MAML3: variants seen among roughly 807,000 people sequenced by gnomAD.
MAML3 encodes the protein mastermind like transcriptional coactivator 3.
In MAML3, 27 loss-of-function variants were observed where a neutral mutation model predicts 101.9. The observed-to-expected ratio is 0.27, with a 90% CI of 0.20 to 0.37. The LOEUF (loss-of-function observed/expected upper bound fraction) is 0.37, where lower values mean the gene tolerates loss of function less well. Among genes scored for constraint, MAML3 ranks in the 10% least tolerant of loss-of-function variants. The pLI is 1.00. For missense variants in MAML3, 1,316 were observed against 1,444.9 expected (o/e 0.91, Z 1.45); for synonymous variants, 501 against 555.9 (o/e 0.90, Z 1.39).
intron 2 of MAML3, among the ~76,000 whole-genome samples, chr4:139,816,556 A>G (rs1730895950): frequency 6.6e-6 from 1 of 152,142 alleles, no homozygotes; most frequent in Admixed American, 6.5e-5. Context: ...AAGGAGGAAC[A>G]GACGGGGGTC....
intron 1 of MAML3, among the ~76,000 whole-genome samples, chr4:140,101,902 C>A (rs1049555696): frequency 4.7e-5 from 7 of 150,442 alleles, no homozygotes; most frequent in Non-Finnish European, 8.8e-5. Context: ...GTCTTTCTAG[C>A]CAATAGAACA....
chr4:139,978,081 G>A (rs186036682), intron 1 of MAML3, among the ~76,000 whole-genome samples: 1 of 152,050 alleles, frequency 6.6e-6, no homozygotes, highest in Non-Finnish European at 1.5e-5. Flanking sequence ...TTGCTTTCAG[G>A]CCCCAGCTGG....
At chr4:139,893,790 C>T (rs959016750) in intron 1 of MAML3, among the ~76,000 whole-genome samples, 3 of 152,116 alleles carry the variant, frequency 2.0e-5, no homozygotes, top group African/African-American at 7.2e-5. Context: ...AAACCTAACT[C>T]ATCTGTGTGC....
At chr4:139,967,650 T>C (rs111979400) in intron 1 of MAML3, among the ~76,000 whole-genome samples, 2 of 152,104 alleles carry the variant, frequency 1.3e-5, no homozygotes, top group African/African-American at 4.8e-5. Context: ...TGAAAGCTTT[T>C]AGCAAAACAC....
At chr4:139,818,515 C>T (rs1303843635) in intron 2 of MAML3, among the ~76,000 whole-genome samples, 1 of 152,192 alleles carries the variant, frequency 6.6e-6, no homozygotes, top group African/African-American at 2.4e-5. Context: ...TTCCTTCCTA[C>T]TCATGACTAT....
intron 2 of MAML3, among the ~76,000 whole-genome samples, chr4:139,871,881 G>A (rs1463925207): frequency 6.6e-6 from 1 of 152,158 alleles, no homozygotes; most frequent in Non-Finnish European, 1.5e-5. Flanking sequence ...TTCAGTTATC[G>A]GTTGTAACTA....
At chr4:139,874,135 A>G (rs988579890) in intron 2 of MAML3, among the ~76,000 whole-genome samples, 1 of 152,326 alleles carries the variant, frequency 6.6e-6, no homozygotes, top group African/African-American at 2.4e-5. Flanking sequence ...ACAAAGAGAA[A>G]TGATTTTTCT....
Position 140,116,562 on chromosome 4 carries a change from A to C in MAML3, c.468+36298T>G, listed in dbSNP as rs145566051. Among the ~76,000 whole-genome samples the C allele has an allele frequency of 9.7e-3, 1,478 of 152,338 alleles. 29 individuals are homozygous for C. The highest frequency in any genetic ancestry group is 0.034 in the African/African-American group (1,396 of 41,570). On this transcript the variant is annotated intron_variant, in intron 1 of 4. Coordinates refer to ENST00000509479, the MANE Select transcript of MAML3 (RefSeq NM_018717.5). ...CCAACTGCCTGGATTCAATTCCTTC[A>C]GAAAGTCACGTTAGAGACTGCCACT...
At chr4:139,992,684 A>C (rs1734703107) in intron 1 of MAML3, among the ~76,000 whole-genome samples, 1 of 152,072 alleles carries the variant, frequency 6.6e-6, no homozygotes, top group African/African-American at 2.4e-5. Flanking sequence ...CAGCCTCCTG[A>C]GTAGCTAGGA....
intron 1 of MAML3, among the ~76,000 whole-genome samples, chr4:140,130,186 T>C (rs1320592073): frequency 2.0e-5 from 3 of 152,154 alleles, no homozygotes; most frequent in Non-Finnish European, 4.4e-5. Flanking sequence ...AATTGTGGCA[T>C]GGGGCAAGCA....
chr4:140,062,663 T>A (rs1215724247), intron 1 of MAML3, among the ~76,000 whole-genome samples: 5 of 152,234 alleles, frequency 3.3e-5, no homozygotes, highest in Non-Finnish European at 7.3e-5. Flanking sequence ...GCTATAAGCT[T>A]AGAAATCAGT....
At chr4:140,104,936 T>C (rs371794545) in intron 1 of MAML3, among the ~76,000 whole-genome samples, 10 of 152,338 alleles carry the variant, frequency 6.6e-5, no homozygotes, top group African/African-American at 1.4e-4. Context: ...GCACTGTCCT[T>C]CATCTGAGAT....
At chr4:139,885,383 G>A (rs1047264224) in intron 2 of MAML3, among the ~76,000 whole-genome samples, 2 of 152,034 alleles carry the variant, frequency 1.3e-5, no homozygotes, top group African/African-American at 2.4e-5. Flanking sequence ...TCCAGTCTGG[G>A]CAACAAAGTG....
chr4:140,104,196 G>A (rs1195608454), intron 1 of MAML3, among the ~76,000 whole-genome samples: 5 of 149,872 alleles, frequency 3.3e-5, no homozygotes, highest in Non-Finnish European at 5.9e-5. Context: ...AACAGCCTGG[G>A]CAACAAATAG....
Position 139,717,196 on chromosome 4 carries a change from A to G in MAML3, c.*2127T>C, listed in dbSNP as rs1191613074. The G allele has an allele frequency of 2.0e-5, 3 of 152,508 alleles. No homozygotes were observed. The East Asian group carries it at 5.8e-4, about 29-fold the overall frequency. 9.4% of individuals were successfully genotyped at this position (152,508 alleles called of 1,614,324 possible). A position where few individuals can be genotyped will look rare whatever the true frequency, so the allele number is the denominator to read the frequency against. On this transcript the variant is annotated 3_prime_UTR_variant, in exon 5 of 5. Transcript: ENST00000509479. Reference sequence around the variant, plus strand: ...AAACAAAACCACCATATTAAAATCTACCTATTAGTTGGTCCCAGTACTGAG... The same window carrying G: ...AAACAAAACCACCATATTAAAATCTGCCTATTAGTTGGTCCCAGTACTGAG...
chr4:139,717,801 G>A lies in MAML3; in HGVS notation c.*1522C>T, dbSNP rs1728047121. On this transcript the variant is annotated 3_prime_UTR_variant, in exon 5 of 5. Coordinates refer to ENST00000509479, the MANE Select transcript of MAML3 (RefSeq NM_018717.5). The stretch of plus-strand genomic sequence containing the variant: ...AAAAGCACACGCCACTCTCACTTAG[G>A]ACGACACCGAAGCCACAAGTCCTCC... 1 of 152,424 alleles carries A rather than the reference G, an allele frequency of 6.6e-6. No homozygotes were observed. The highest frequency in any genetic ancestry group is 1.5e-5 in the Non-Finnish European group (1 of 68,238). The allele number at this position is 152,424 out of a possible 1,614,324, so 9.4% of individuals were successfully genotyped here. A position where few individuals can be genotyped will look rare whatever the true frequency, so the allele number is the denominator to read the frequency against.
At chr4:139,911,514 A>G (rs1694995261) in intron 1 of MAML3, among the ~76,000 whole-genome samples, 1 of 152,204 alleles carries the variant, frequency 6.6e-6, no homozygotes, top group African/African-American at 2.4e-5. Context: ...CACTGCGCCC[A>G]GCCCAGAATT....
Position 139,719,881 on chromosome 4 carries a change from C to G in MAML3, c.2859G>C (p.Met953Ile). 1 of 1,613,984 alleles carries G rather than the reference C, an allele frequency of 6.2e-7. No individual in the cohort carries two copies. The highest frequency in any genetic ancestry group is 1.1e-5 in the South Asian group (1 of 91,080). The change falls in exon 5 of 5, where the codon ATG (methionine) becomes ATC (isoleucine). Residue 953 changes from methionine to isoleucine, a missense_variant. Met to Ile is a conservative substitution (Grantham distance 10). Transcript: ENST00000509479. ...PQAPPRLQSL[M>I]GTVQQGAQSW... is the part of the protein sequence containing the mutation. ...TTTGTGCTCCTTGCTGGACTGTTCC[C>G]ATAAGGCTCTGCAGCCTTGGAGGGG...
At chr4:139,991,591 G>A (rs116172872) in intron 1 of MAML3, among the ~76,000 whole-genome samples, 3,421 of 152,130 alleles carry the variant, frequency 0.022, 147 homozygotes, top group African/African-American at 0.078. Context: ...CATAAATCTT[G>A]TTCTTGAAAA....
Sources: gnomAD v4.1 joint callset for allele counts (sites outside exome capture counted in the v4.1 genomes callset) on GRCh38, gnomAD v4.1.1 for gene constraint, MANE v1.5 for transcripts, NCBI Gene and HGNC (gene_info 2026-07-23, HGNC 2026-07-21) for gene names.